Variants in BMP5 observed in about 807,000 individuals in gnomAD.
BMP5 encodes the protein bone morphogenetic protein 5.
A neutral mutation model predicts 46.6 loss-of-function variants in BMP5; 23 were observed. The observed-to-expected ratio is 0.49, with a 90% CI of 0.35 to 0.70. BMP5 has a LOEUF of 0.70. Among genes scored for constraint, BMP5 ranks in the 30% least tolerant of loss-of-function variants. The pLI is 0.00. For synonymous variants in BMP5, 204 were observed against 191.9 expected (o/e 1.06, Z -0.52); for missense variants, 545 against 565.6 (o/e 0.96, Z 0.37).
chr6:55,869,483 A>G (rs547917427), intron 1 of BMP5, among the ~76,000 whole-genome samples: 1 of 152,264 alleles, frequency 6.6e-6, no homozygotes, highest in South Asian at 2.1e-4. Flanking sequence ...CTTTTCAAAA[A>G]AAAATAATTT....
intron 3 of BMP5, among the ~76,000 whole-genome samples, chr6:55,785,255 G>T (rs1367767385): frequency 1.3e-5 from 2 of 151,712 alleles, no homozygotes; most frequent in African/African-American, 4.8e-5. Context: ...TATTTGTATA[G>T]ACAGAAAATA....
chr6:55,770,389 C>A (rs996444536), intron 4 of BMP5, among the ~76,000 whole-genome samples: 3 of 151,930 alleles, frequency 2.0e-5, no homozygotes, highest in Non-Finnish European at 2.9e-5. Flanking sequence ...TTTTCTTCTG[C>A]AGCTTCCTCA....
intron 2 of BMP5, among the ~76,000 whole-genome samples, chr6:55,804,801 T>C (rs1775948734): frequency 6.6e-6 from 1 of 152,126 alleles, no homozygotes; most frequent in South Asian, 2.1e-4. Flanking sequence ...ACTGTGGAGT[T>C]TGGGGAAATA....
chr6:55,867,220 G>C (rs1465458234), intron 1 of BMP5, among the ~76,000 whole-genome samples: 1 of 152,072 alleles, frequency 6.6e-6, no homozygotes, highest in African/African-American at 2.4e-5. Context: ...CCCCCCCGCT[G>C]AGTATCTAAG....
chr6:55,829,814 CATA>C (rs767445469), intron 1 of BMP5, among the ~76,000 whole-genome samples: 15 of 151,846 alleles, frequency 9.9e-5, no homozygotes, highest in Non-Finnish European at 1.6e-4. Context: ...TGTTTTTGAA[CATA>C]ATATGATAAT....
intron 1 of BMP5, among the ~76,000 whole-genome samples, chr6:55,873,454 T>G (rs3798821): frequency 0.058 from 8,812 of 151,886 alleles, 301 homozygotes; most frequent in Admixed American, 0.098. Context: ...TCACCTTCAA[T>G]TTTTACTAAA....
At chr6:55,775,722 C>T (rs1775158322) in intron 3 of BMP5, among the ~76,000 whole-genome samples, 1 of 151,812 alleles carries the variant, frequency 6.6e-6, no homozygotes, top group African/African-American at 2.4e-5. Flanking sequence ...AAGCAAGTCC[C>T]CAAAATGGCA....
intron 1 of BMP5, among the ~76,000 whole-genome samples, chr6:55,853,330 C>A (rs1777301097): frequency 6.8e-6 from 1 of 147,692 alleles, no homozygotes. Flanking sequence ...CTCCCCCTCC[C>A]CCTCCCCCGC....
chr6:55,790,455 T>TAGTA (rs1307404148), intron 3 of BMP5, among the ~76,000 whole-genome samples: 2 of 152,180 alleles, frequency 1.3e-5, no homozygotes, highest in Non-Finnish European at 2.9e-5. Flanking sequence ...TTGATTAAAG[T>TAGTA]AGTAAGTTTA....
chr6:55,805,985 T>A (rs1184792089), intron 2 of BMP5, among the ~76,000 whole-genome samples: 1 of 152,172 alleles, frequency 6.6e-6, no homozygotes, highest in Non-Finnish European at 1.5e-5. Context: ...ATCAGATGAG[T>A]AGAATACAAA....
intron 1 of BMP5, among the ~76,000 whole-genome samples, chr6:55,852,000 T>G (rs1486209049): frequency 6.6e-6 from 1 of 152,142 alleles, no homozygotes; most frequent in Non-Finnish European, 1.5e-5. Flanking sequence ...TAGCCCAAAT[T>G]TTCATGCCTC....
chr6:55,772,020 AC>A (rs1157556323), intron 4 of BMP5, among the ~76,000 whole-genome samples: 2 of 151,872 alleles, frequency 1.3e-5, no homozygotes, highest in Non-Finnish European at 2.9e-5. Context: ...CTTGATTACT[AC>A]CTATTGAAAG....
At chr6:55,850,379 TA>T (rs200348225) in intron 1 of BMP5, among the ~76,000 whole-genome samples, 4,067 of 151,430 alleles carry the variant, frequency 0.027, 181 homozygotes, top group African/African-American at 0.094. Flanking sequence ...GATAGATAGA[TA>T]GATAGATAGA....
intron 2 of BMP5, among the ~76,000 whole-genome samples, chr6:55,803,682 G>T (rs769174551): frequency 1.3e-5 from 2 of 152,112 alleles, no homozygotes; most frequent in African/African-American, 2.4e-5. Flanking sequence ...CCAAATTCTG[G>T]CCCACAATTC....
intron 1 of BMP5, among the ~76,000 whole-genome samples, chr6:55,868,647 C>T (rs1777707760): frequency 6.6e-6 from 1 of 152,000 alleles, no homozygotes; most frequent in Non-Finnish European, 1.5e-5. Flanking sequence ...TATCATTTAT[C>T]CACAGCTTCT....
intron 3 of BMP5, among the ~76,000 whole-genome samples, chr6:55,788,270 C>CA (rs1385026001): frequency 6.6e-6 from 1 of 151,482 alleles, no homozygotes; most frequent in Non-Finnish European, 1.5e-5. Flanking sequence ...TAGTAATCTC[C>CA]AAAAATATGT....
chr6:55,793,037 T>C (rs1582069070), intron 3 of BMP5, among the ~76,000 whole-genome samples: 1 of 152,280 alleles, frequency 6.6e-6, no homozygotes, highest in South Asian at 2.1e-4. Context: ...AAATTAAATA[T>C]TAAGTATTTA....
At chr6:55,836,546 G>T (rs1392692630) in intron 1 of BMP5, among the ~76,000 whole-genome samples, 5 of 151,844 alleles carry the variant, frequency 3.3e-5, no homozygotes, top group Non-Finnish European at 7.4e-5. Flanking sequence ...TGACTTTGTA[G>T]ATTGCCAGTT....
intron 2 of BMP5, among the ~76,000 whole-genome samples, chr6:55,813,667 G>A (rs112401794): frequency 0.012 from 1,883 of 151,750 alleles, 34 homozygotes; most frequent in African/African-American, 0.041. Context: ...GGCGCCTGTA[G>A]TCCCAGCTAC....
Sources: gnomAD v4.1 joint callset for allele counts (sites outside exome capture counted in the v4.1 genomes callset) on GRCh38, gnomAD v4.1.1 for gene constraint, MANE v1.5 for transcripts, NCBI Gene and HGNC (gene_info 2026-07-23, HGNC 2026-07-21) for gene names.